The following SLC5A11 variants were observed in gnomAD, a reference collection of about 807,000 sequenced individuals.
SLC5A11 encodes sodium/myo-inositol cotransporter 2.
In SLC5A11, 48 loss-of-function variants were observed where a neutral mutation model predicts 69.8. The ratio of observed to expected loss-of-function variants is 0.69; its 90% confidence interval spans 0.55 to 0.87. The LOEUF is 0.87. SLC5A11 is among the 40% of genes least tolerant of loss of function. SLC5A11 has a pLI of 0.00. For synonymous variants in SLC5A11, 319 were observed against 342.4 expected (o/e 0.93, Z 0.75); for missense variants, 784 against 866.1 (o/e 0.91, Z 1.19).
intron 7 of SLC5A11, among the ~76,000 whole-genome samples, chr16:24,881,466 A>G (rs2048038000): frequency 6.6e-6 from 1 of 151,732 alleles, no homozygotes; most frequent in African/African-American, 2.4e-5. Flanking sequence ...TTTGTATTTT[A>G]TGGTAGAGAA....
At chr16:24,905,640 GCACACACACACACACACA>G (rs56335988) in intron 10 of SLC5A11, among the ~76,000 whole-genome samples, 5 of 136,698 alleles carry the variant, frequency 3.7e-5, no homozygotes, top group South Asian at 2.4e-4. Flanking sequence ...GCGCGCGCGC[GCACACACACACACACACA>G]CACACACACA....
intron 10 of SLC5A11, among the ~76,000 whole-genome samples, chr16:24,901,931 T>TACACACAC (rs749172893): frequency 5.5e-4 from 76 of 138,030 alleles, no homozygotes; most frequent in African/African-American, 1.9e-3. Context: ...GAAAAAAAAA[T>TACACACAC]ACACACACAC....
chr16:24,873,448 C>T (rs1015438649), intron 5 of SLC5A11, among the ~76,000 whole-genome samples: 1 of 151,912 alleles, frequency 6.6e-6, no homozygotes, highest in Non-Finnish European at 1.5e-5. Context: ...CTGGGCAACA[C>T]AGTGAGACCC....
intron 5 of SLC5A11, among the ~76,000 whole-genome samples, chr16:24,873,383 C>T (rs923572698): frequency 3.9e-5 from 6 of 152,024 alleles, no homozygotes; most frequent in African/African-American, 1.4e-4. Context: ...ATAATCTCAG[C>T]TCTTTGGGAG....
At chr16:24,894,009 G>A (rs955886654) in intron 9 of SLC5A11, among the ~76,000 whole-genome samples, 1 of 152,144 alleles carries the variant, frequency 6.6e-6, no homozygotes, top group African/African-American at 2.4e-5. Context: ...TGATGACAAT[G>A]CCAATAATCA....
chr16:24,907,475 G>A (rs1394608338), intron 12 of SLC5A11, among the ~76,000 whole-genome samples: 10 of 152,180 alleles, frequency 6.6e-5, no homozygotes, highest in Non-Finnish European at 1.0e-4. Flanking sequence ...TACTTTGGGA[G>A]GCCGAGGCGG....
intron 8 of SLC5A11, among the ~76,000 whole-genome samples, chr16:24,887,432 T>C (rs2048466661): frequency 6.6e-6 from 1 of 152,130 alleles, no homozygotes; most frequent in Non-Finnish European, 1.5e-5. Context: ...GGAGAGATAG[T>C]ATGCTAGATT....
intron 1 of SLC5A11, among the ~76,000 whole-genome samples, chr16:24,853,089 A>G (rs1294172641): frequency 6.6e-6 from 1 of 151,974 alleles, no homozygotes; most frequent in Non-Finnish European, 1.5e-5. Context: ...AGAGCATGGC[A>G]CACAACTAAT....
At chr16:24,909,643 C>CAAAAAA (rs35334841) in intron 14 of SLC5A11, among the ~76,000 whole-genome samples, 9 of 48,876 alleles carry the variant, frequency 1.8e-4, no homozygotes, top group East Asian at 7.2e-4. Flanking sequence ...CCCTGTCTCA[C>CAAAAAA]AAAAAAAAAA....
intron 8 of SLC5A11, among the ~76,000 whole-genome samples, chr16:24,887,386 GC>G (rs2048464580): frequency 6.6e-6 from 1 of 152,082 alleles, no homozygotes; most frequent in Non-Finnish European, 1.5e-5. Context: ...TGGATCTAAA[GC>G]CCCCTATTTT....
intron 3 of SLC5A11, among the ~76,000 whole-genome samples, chr16:24,866,566 G>T (rs535411530): frequency 1.1e-4 from 16 of 143,216 alleles, no homozygotes; most frequent in South Asian, 2.2e-4. Flanking sequence ...GCAACAGTGA[G>T]ATCCTGTCTA....
At chr16:24,861,806 AG>A (rs2046581368) in intron 2 of SLC5A11, among the ~76,000 whole-genome samples, 1 of 122,580 alleles carries the variant, frequency 8.2e-6, no homozygotes, top group Non-Finnish European at 1.6e-5. Flanking sequence ...AAGAAAGAAA[AG>A]AAAAAAGAAA....
chr16:24,869,024 C>G (rs997462607), intron 3 of SLC5A11, among the ~76,000 whole-genome samples: 5 of 152,014 alleles, frequency 3.3e-5, no homozygotes, highest in African/African-American at 1.2e-4. Context: ...TGTGTCACCA[C>G]GCTCAGCTAA....
At chr16:24,898,678 C>T (rs560436899) in intron 10 of SLC5A11, among the ~76,000 whole-genome samples, 19 of 152,214 alleles carry the variant, frequency 1.2e-4, no homozygotes, top group African/African-American at 4.3e-4. Flanking sequence ...GTCACCATGC[C>T]CAGCTAATTT....
At chr16:24,872,073 C>A in intron 4 of SLC5A11, 87 bp from the exon 6 acceptor site, 3 of 1,492,752 alleles carry the variant, frequency 2.0e-6, no homozygotes, top group South Asian at 2.3e-5. Flanking sequence ...GAGTTCAGGC[C>A]AGGCTGCCTC....
chr16:24,868,296 A>C (rs2047039511), intron 3 of SLC5A11, among the ~76,000 whole-genome samples: 1 of 151,390 alleles, frequency 6.6e-6, no homozygotes. Flanking sequence ...CCAAAAAAAA[A>C]AAAAAAATTA....
At chr16:24,906,824 A>T in intron 11 of SLC5A11, 60 bp downstream of exon 12, 1 of 1,484,694 alleles carries the variant, frequency 6.7e-7, no homozygotes, top group Non-Finnish European at 9.3e-7. Context: ...AGATCACCGG[A>T]TGGGCTCTGA....
intron 8 of SLC5A11, among the ~76,000 whole-genome samples, chr16:24,888,631 G>A (rs909194712): frequency 1.5e-4 from 23 of 150,464 alleles, no homozygotes; most frequent in South Asian, 4.2e-4. Context: ...CTACAGGCTC[G>A]CGCCACCACA....
chr16:24,856,405 C>T (rs2059530830), intron 1 of SLC5A11, among the ~76,000 whole-genome samples: 2 of 151,936 alleles, frequency 1.3e-5, no homozygotes, highest in Admixed American at 1.3e-4. Context: ...GGGAGGATTT[C>T]TTGAGGCTGG....
Sources: allele counts gnomAD v4.1 joint callset (sites outside exome capture counted in the v4.1 genomes callset), GRCh38; gene constraint gnomAD v4.1.1; transcripts MANE v1.5; gene names NCBI Gene and HGNC (gene_info 2026-07-23, HGNC 2026-07-21).